Variants in AGMO observed in about 807,000 individuals in gnomAD.
AGMO encodes alkylglycerol monooxygenase.
Under a neutral mutation model 60.2 loss-of-function variants are expected in AGMO, and 75 were observed. The observed-to-expected ratio is 1.25, with a 90% confidence interval of 1.03 to 1.51. The LOEUF (loss-of-function observed/expected upper bound fraction) is 1.51. Among genes scored for constraint, AGMO ranks in the 40% most tolerant of loss-of-function variants. The pLI, the probability that AGMO is intolerant of heterozygous loss-of-function variation, is 0.00. For synonymous variants in AGMO, 261 were observed against 177.1 expected, an observed-to-expected ratio of 1.47 and a Z score of -3.76; for missense variants, 763 against 525.5, an observed-to-expected ratio of 1.45 and a Z score of -4.42.
chr7:15,213,395 A>G (rs1027937918), intron 12 of AGMO, among the ~76,000 whole-genome samples: 1 of 151,902 alleles, frequency 6.6e-6, no homozygotes, highest in Admixed American at 6.6e-5. Flanking sequence ...AAGATCTATT[A>G]TCAGTTCTAT....
At chr7:15,402,984 C>G (rs1421620366) in intron 5 of AGMO, among the ~76,000 whole-genome samples, 6 of 151,672 alleles carry the variant, frequency 4.0e-5, no homozygotes, top group African/African-American at 1.5e-4. Context: ...CCAATGGACC[C>G]TTCAATGGAA....
intron 3 of AGMO, among the ~76,000 whole-genome samples, chr7:15,469,628 T>A (rs1782392262): frequency 6.6e-6 from 1 of 152,078 alleles, no homozygotes; most frequent in Non-Finnish European, 1.5e-5. Flanking sequence ...ATCTTAGCAG[T>A]GAATTGACAG....
At chr7:15,345,872 A>C (rs1255523418) in intron 12 of AGMO, among the ~76,000 whole-genome samples, 3 of 151,066 alleles carry the variant, frequency 2.0e-5, no homozygotes, top group Admixed American at 2.0e-4. Flanking sequence ...CCCTTACAAA[A>C]TTGGTACTTA....
At chr7:15,435,662 CT>C (rs1289728335) in intron 3 of AGMO, among the ~76,000 whole-genome samples, 1 of 151,650 alleles carries the variant, frequency 6.6e-6, no homozygotes, top group East Asian at 1.9e-4. Context: ...AGGCCATAGC[CT>C]TTTTTTTAAA....
chr7:15,158,431 G>A, the AGMO span, among the ~76,000 whole-genome samples: 2 of 151,656 alleles, frequency 1.3e-5, no homozygotes, highest in African/African-American at 4.9e-5. Context: ...TTTAAAAGGT[G>A]TAACAACAAC....
intron 12 of AGMO, among the ~76,000 whole-genome samples, chr7:15,352,809 T>G (rs1439006028): frequency 6.6e-6 from 1 of 151,842 alleles, no homozygotes; most frequent in Non-Finnish European, 1.5e-5. Context: ...TTACAGATCT[T>G]CACCTGTTTT....
chr7:15,280,518 T>G (rs894427665), intron 12 of AGMO, among the ~76,000 whole-genome samples: 1 of 152,294 alleles, frequency 6.6e-6, no homozygotes, highest in Admixed American at 6.5e-5. Context: ...CCCACCCTGA[T>G]AGCTTAACAC....
At chr7:15,508,768 G>GA (rs964855063) in intron 3 of AGMO, among the ~76,000 whole-genome samples, 12 of 149,368 alleles carry the variant, frequency 8.0e-5, no homozygotes, top group Non-Finnish European at 1.0e-4. Flanking sequence ...TTAGAGAGGG[G>GA]AAAAAAAAAC....
chr7:15,438,794 G>C (rs888066594), intron 3 of AGMO, among the ~76,000 whole-genome samples: 7 of 152,176 alleles, frequency 4.6e-5, no homozygotes, highest in African/African-American at 1.7e-4. Context: ...TGAGTGAAAA[G>C]TAAATATTCA....
rs922975107 is a variant in AGMO at position 15,486,144 on chromosome 7, T to G, written c.410-55036A>C. The stretch of plus-strand genomic sequence containing the variant: ...GATAACGCAAACTGCCCTCCAACTG[T>G]ACAGAGGTGTTGCTATTACATTTGC... On this transcript the variant is annotated intron_variant, in intron 3 of 12. Transcript: ENST00000342526. Among the ~76,000 whole-genome samples the G allele has an allele frequency of 3.3e-5, 5 of 152,236 alleles. No homozygotes were observed. The South Asian group carries it at 1.0e-3, about 32-fold the overall frequency.
chr7:15,322,497 A>AAT (rs1374915212), intron 12 of AGMO, among the ~76,000 whole-genome samples: 1 of 57,712 alleles, frequency 1.7e-5, no homozygotes, highest in African/African-American at 6.8e-5. Context: ...AATATATATA[A>AAT]ATATATAAAT....
chr7:15,394,289 A>G (rs1446630651), intron 5 of AGMO, 110 bp from the exon 6 acceptor site: 4 of 857,410 alleles, frequency 4.7e-6, no homozygotes, highest in Non-Finnish European at 7.5e-6. Flanking sequence ...TGCGAATTTC[A>G]GGGTTGGTAT....
At chr7:15,224,615 T>C (rs1425152240) in intron 12 of AGMO, among the ~76,000 whole-genome samples, 2 of 152,018 alleles carry the variant, frequency 1.3e-5, no homozygotes, top group African/African-American at 4.8e-5. Context: ...GCACTCAAAC[T>C]GACTAAGGCA....
intron 3 of AGMO, among the ~76,000 whole-genome samples, chr7:15,476,491 C>G (rs1195079432): frequency 6.6e-6 from 1 of 152,012 alleles, no homozygotes; most frequent in African/African-American, 2.4e-5. Flanking sequence ...TTATTTTCAT[C>G]TTTCTATGGC....
At chr7:15,349,179 G>A (rs1044313485) in intron 12 of AGMO, among the ~76,000 whole-genome samples, 1 of 152,040 alleles carries the variant, frequency 6.6e-6, no homozygotes, top group South Asian at 2.1e-4. Flanking sequence ...CTTGGCACAA[G>A]GACTCTCAGA....
In AGMO at chr7:15,560,246, A is replaced by C; in HGVS notation, c.152T>G (p.Met51Arg). ...CCAGCTGACAACAAGTTCAAGCAGCATCAAAGAAATGAAAAATGGAGTTGC... is the reference window on the plus strand; with the variant it reads ...CCAGCTGACAACAAGTTCAAGCAGCCTCAAAGAAATGAAAAATGGAGTTGC... The part of the protein sequence containing the change: ...KKATPFFISL[M>R]LLELVVSWIL... The change falls in exon 2 of 13, where the codon ATG (methionine) becomes AGG (arginine). Residue 51 changes from methionine to arginine, a missense_variant. Transcript: ENST00000342526. 6.2e-7 allele frequency: 1 copy of C among 1,612,712 alleles called. No individual in the cohort carries two copies.
At chr7:15,538,464 C>T (rs1253912686) in intron 3 of AGMO, among the ~76,000 whole-genome samples, 2 of 152,086 alleles carry the variant, frequency 1.3e-5, no homozygotes, top group African/African-American at 4.8e-5. Context: ...AAACTCCTAG[C>T]CTCAAACTAT....
the AGMO span, among the ~76,000 whole-genome samples, chr7:15,121,309 T>G: frequency 6.6e-6 from 1 of 152,212 alleles, no homozygotes. Flanking sequence ...TATAGTAGAA[T>G]GATTCATAAT....
intron 3 of AGMO, among the ~76,000 whole-genome samples, chr7:15,517,849 G>C (rs1326433392): frequency 6.6e-6 from 1 of 152,084 alleles, no homozygotes; most frequent in Non-Finnish European, 1.5e-5. Context: ...AAAGGGAGCT[G>C]AAGCCAGGGA....
Sources: allele counts gnomAD v4.1 joint callset (sites outside exome capture counted in the v4.1 genomes callset), GRCh38; gene constraint gnomAD v4.1.1; transcripts MANE v1.5; gene names NCBI Gene and HGNC (gene_info 2026-07-23, HGNC 2026-07-21).